The following BABAM2 variants were observed in gnomAD, a reference collection of about 807,000 sequenced individuals.
BABAM2 encodes BRISC and BRCA1 A complex member 2.
In BABAM2, 31 loss-of-function variants were observed where a neutral mutation model predicts 54.7. The observed-to-expected ratio is 0.57, with a 90% CI of 0.43 to 0.77. BABAM2 has a LOEUF of 0.77. BABAM2 is among the 30% of genes least tolerant of loss of function. The probability of loss-of-function intolerance (pLI) is 0.00; values close to 1 mark genes in which losing one functional copy is unlikely to be tolerated. For missense variants in BABAM2, 364 were observed against 455.8 expected, an observed-to-expected ratio of 0.80 and a Z score of 1.83; for synonymous variants, 167 against 162.9, an observed-to-expected ratio of 1.03 and a Z score of -0.19.
chr2:28,324,548 A>C (rs1335803850), intron 11 of BABAM2, among the ~76,000 whole-genome samples: 1 of 151,976 alleles, frequency 6.6e-6, no homozygotes, highest in Non-Finnish European at 1.5e-5. Flanking sequence ...CTGAGGCAGG[A>C]GGATCACTTG....
At chr2:28,215,918 T>C (rs1679878984) in intron 7 of BABAM2, among the ~76,000 whole-genome samples, 5 of 152,184 alleles carry the variant, frequency 3.3e-5, no homozygotes, top group Admixed American at 3.3e-4. Flanking sequence ...GCCCCACTCA[T>C]GTTTTACTCT....
intron 7 of BABAM2, among the ~76,000 whole-genome samples, chr2:28,178,571 C>A (rs1675268612): frequency 6.6e-6 from 1 of 151,808 alleles, no homozygotes; most frequent in Non-Finnish European, 1.5e-5. Context: ...AATAAACAAT[C>A]TAATGATGTA....
intron 2 of BABAM2, among the ~76,000 whole-genome samples, chr2:27,927,071 T>G (rs1312957617): frequency 1.3e-5 from 2 of 152,170 alleles, no homozygotes; most frequent in Admixed American, 6.5e-5. Context: ...CTTTAACAAA[T>G]CTCTTCCTAT....
intron 7 of BABAM2, among the ~76,000 whole-genome samples, chr2:28,165,176 T>C (rs1673516196): frequency 6.6e-6 from 1 of 152,156 alleles, no homozygotes. Flanking sequence ...TTAATTGCAA[T>C]TCAGGGTGAT....
At chr2:28,121,065 A>G (rs1422298957) in intron 6 of BABAM2, among the ~76,000 whole-genome samples, 1 of 152,208 alleles carries the variant, frequency 6.6e-6, no homozygotes, top group East Asian at 1.9e-4. Flanking sequence ...TTCATAAGGG[A>G]TATCAAAATA....
intron 2 of BABAM2, among the ~76,000 whole-genome samples, chr2:27,921,179 G>T (rs1176491448): frequency 6.6e-6 from 1 of 152,102 alleles, no homozygotes. Context: ...TGTCATCATT[G>T]TAGAGTCTGT....
At chr2:28,142,326 A>C (rs1372247246) in intron 7 of BABAM2, among the ~76,000 whole-genome samples, 1 of 152,220 alleles carries the variant, frequency 6.6e-6, no homozygotes, top group Non-Finnish European at 1.5e-5. Context: ...TAGGACCATA[A>C]CAGGGAATGA....
chr2:28,144,443 T>C (rs1426124354), intron 7 of BABAM2, among the ~76,000 whole-genome samples: 3 of 152,196 alleles, frequency 2.0e-5, no homozygotes, highest in Non-Finnish European at 4.4e-5. Flanking sequence ...TAGACTTTGC[T>C]TGAGTCACAA....
rs578049073 is a variant in BABAM2, at chr2:28,193,769, C to G, written c.681-43433C>G. 8.5e-5 allele frequency among the ~76,000 whole-genome samples: 13 copies of G among 152,300 alleles called. No homozygotes were observed. The South Asian group carries it at 2.7e-3, about 32-fold the overall frequency. On this transcript the variant is annotated intron_variant, in intron 7 of 11. Coordinates refer to ENST00000379624, the MANE Select transcript of BABAM2 (RefSeq NM_199191.3). ...TGATCCTTCAAAAGCAGTTTTTTCT[C>G]TCTTCCTCTTTTCCCTCCTTTGCTT...
chr2:28,309,523 GT>G (rs1688874955), intron 11 of BABAM2: 3 of 152,696 alleles, frequency 2.0e-5, no homozygotes. Flanking sequence ...CCAGCATAAG[GT>G]CTGGCATATG....
At chr2:27,934,225 T>C (rs1293030810) in intron 3 of BABAM2, among the ~76,000 whole-genome samples, 1 of 152,204 alleles carries the variant, frequency 6.6e-6, no homozygotes, top group African/African-American at 2.4e-5. Context: ...TTTTTTAAAC[T>C]TAAAAATTTT....
rs1156486583 is a variant in BABAM2 at position 27,924,610 on chromosome 2, C to G, written c.129-5222C>G. 2.0e-5 allele frequency among the ~76,000 whole-genome samples: 3 copies of G among 152,168 alleles called. No individual in the cohort carries two copies. In the East Asian group the frequency reaches 5.8e-4, roughly 29 times the overall value. ...TGTTGGCCCCGCTGGTCTTGAACTC[C>G]TGACCTCAGGTGATCTGCCTGCCTC... On this transcript the variant is annotated intron_variant, in intron 2 of 11. Transcript: ENST00000379624.
At chr2:28,223,925 C>T (rs1042017495) in intron 7 of BABAM2, among the ~76,000 whole-genome samples, 3 of 152,144 alleles carry the variant, frequency 2.0e-5, no homozygotes, top group Admixed American at 1.3e-4. Context: ...AGGTATGTCT[C>T]CTCCCACCCC....
At chr2:28,282,358 T>G (rs1686432681) in intron 10 of BABAM2, among the ~76,000 whole-genome samples, 1 of 152,178 alleles carries the variant, frequency 6.6e-6, no homozygotes, top group Non-Finnish European at 1.5e-5. Context: ...TATCAATCTC[T>G]CAGACTTTTG....
chr2:28,230,007 T>C (rs1479803360), intron 7 of BABAM2, among the ~76,000 whole-genome samples: 1 of 152,242 alleles, frequency 6.6e-6, no homozygotes, highest in Admixed American at 6.5e-5. Flanking sequence ...ATCATAGTTG[T>C]CATTGTCTCA....
At chr2:28,059,023 G>A (rs547896435) in intron 6 of BABAM2, among the ~76,000 whole-genome samples, 1 of 152,208 alleles carries the variant, frequency 6.6e-6, no homozygotes, top group East Asian at 1.9e-4. Context: ...GCAGTCTGAG[G>A]TGTCTCTGAG....
intron 6 of BABAM2, among the ~76,000 whole-genome samples, chr2:28,050,336 G>A (rs1328378619): frequency 1.3e-5 from 2 of 152,192 alleles, no homozygotes; most frequent in East Asian, 1.9e-4. Context: ...AAACCTAACT[G>A]TCTTGTACCA....
Position 28,033,020 on chromosome 2 carries a change from C to G in BABAM2, c.495+7600C>G, listed in dbSNP as rs561002510. On this transcript the variant is annotated intron_variant, in intron 5 of 11. Transcript: ENST00000379624. ...AATTTCCTGTAATCACTATTGAAAT[C>G]AAGATGCAGATATTCCATTACCACA... Among the ~76,000 whole-genome samples, 27 of 152,216 alleles carry G rather than the reference C, an allele frequency of 1.8e-4. No homozygotes were observed. The South Asian group carries it at 2.3e-3, about 13-fold the overall frequency.
At chr2:28,167,448 C>A (rs11680542) in intron 7 of BABAM2, among the ~76,000 whole-genome samples, 71,813 of 151,852 alleles carry the variant, frequency 0.47, 17,909 homozygotes, top group Middle Eastern at 0.61. Context: ...AATCCCAGCA[C>A]TTTGGGAGGC....
Sources: allele counts gnomAD v4.1 joint callset (sites outside exome capture counted in the v4.1 genomes callset), GRCh38; gene constraint gnomAD v4.1.1; transcripts MANE v1.5; gene names NCBI Gene and HGNC (gene_info 2026-07-23, HGNC 2026-07-21).